TMCO5A: variants seen among roughly 807,000 people sequenced by gnomAD.
The protein encoded by TMCO5A is transmembrane and coiled-coil domains 5A.
Under a neutral mutation model 42.3 loss-of-function variants are expected in TMCO5A, and 34 were observed. The observed-to-expected ratio is 0.80, with a 90% CI of 0.61 to 1.07. The LOEUF (loss-of-function observed/expected upper bound fraction) is 1.07. TMCO5A is among the 50% of genes least tolerant of loss of function. The probability of loss-of-function intolerance (pLI) is 0.00; values close to 1 mark genes in which losing one functional copy is unlikely to be tolerated. For synonymous variants in TMCO5A, 131 were observed against 115.6 expected (o/e 1.13, Z -0.86); for missense variants, 357 against 327.9 (o/e 1.09, Z -0.69).
downstream of TMCO5A, among the ~76,000 whole-genome samples, chr15:37,968,957 G>A (rs960114325): frequency 2.0e-5 from 3 of 152,138 alleles, no homozygotes; most frequent in Non-Finnish European, 2.9e-5. Flanking sequence ...AAAAGGGAAA[G>A]GAAGAAAAAG....
downstream of TMCO5A, chr15:37,951,442 C>G (rs1001780447): frequency 1.8e-6 from 1 of 549,008 alleles, no homozygotes; most frequent in African/African-American, 1.9e-5. Flanking sequence ...CTCTGTGGAT[C>G]GGCTGAATAG....
chr15:38,019,337 A>G, the TMCO5A span, among the ~76,000 whole-genome samples: 1 of 152,202 alleles, frequency 6.6e-6, no homozygotes, highest in East Asian at 1.9e-4. Context: ...AGTAACAAGG[A>G]AAAGGGAAGT....
chr15:37,950,288 C>A (rs890693958), intron 11 of TMCO5A, among the ~76,000 whole-genome samples: 1 of 151,928 alleles, frequency 6.6e-6, no homozygotes. Context: ...TATTTCAGGT[C>A]TTGGGATAGG....
chr15:37,949,625 A>G (rs1890089075), intron 11 of TMCO5A, among the ~76,000 whole-genome samples: 1 of 152,152 alleles, frequency 6.6e-6, no homozygotes, highest in Non-Finnish European at 1.5e-5. Flanking sequence ...CAGCAGGGAA[A>G]AAAATGGTTA....
chr15:38,027,328 T>C, the TMCO5A span, among the ~76,000 whole-genome samples: 1 of 152,132 alleles, frequency 6.6e-6, no homozygotes, highest in African/African-American at 2.4e-5. Context: ...AGGAGATCAT[T>C]TTGGAGTTTT....
downstream of TMCO5A, among the ~76,000 whole-genome samples, chr15:37,954,938 T>TA (rs1890249337): frequency 6.6e-6 from 1 of 151,448 alleles, no homozygotes; most frequent in African/African-American, 2.4e-5. Flanking sequence ...TCAAAAAACA[T>TA]ACAATGAATA....
At chr15:37,964,712 G>T (rs1262300301) in intron 11 of TMCO5A, among the ~76,000 whole-genome samples, 1 of 152,032 alleles carries the variant, frequency 6.6e-6, no homozygotes, top group Non-Finnish European at 1.5e-5. Flanking sequence ...CCAAAGAAGT[G>T]AAAGAACTTT....
rs747932849 is a variant in TMCO5A, at chr15:37,947,702, T to C, written c.668+6T>C. 1 of 1,583,542 alleles carries C rather than the reference T, an allele frequency of 6.3e-7. No individual in the cohort carries two copies. The highest frequency in any genetic ancestry group is 1.4e-5 in the African/African-American group (1 of 74,024). ...GCAAGATTATTCAGTAAAAAGTAAG[T>C]AAAATATCTTCAGGTAAACTTCCTA... is the stretch of plus-strand genomic sequence containing the variant. On this transcript the variant is annotated splice_donor_region_variant and intron_variant, in intron 11 of 11. Transcript: ENST00000319669.
intron 10 of TMCO5A, chr15:37,944,407 A>C (rs116154284): frequency 6.6e-6 from 1 of 152,116 alleles, no homozygotes; most frequent in Non-Finnish European, 1.5e-5. Context: ...AAAAAATTAA[A>C]GTTGTCTACA....
the TMCO5A span, among the ~76,000 whole-genome samples, chr15:37,981,225 A>C: frequency 6.9e-6 from 1 of 145,370 alleles, no homozygotes; most frequent in Non-Finnish European, 1.5e-5. Context: ...AAAAAAAAAA[A>C]CTGGTCCCAG....
At chr15:38,035,745 A>C in the TMCO5A span, among the ~76,000 whole-genome samples, 7 of 152,174 alleles carry the variant, frequency 4.6e-5, no homozygotes, top group Non-Finnish European at 7.3e-5. Flanking sequence ...TAACCCCCTC[A>C]AAGTTTATTT....
At chr15:37,989,305 T>A in the TMCO5A span, among the ~76,000 whole-genome samples, 8 of 152,046 alleles carry the variant, frequency 5.3e-5, no homozygotes, top group African/African-American at 7.2e-5. Flanking sequence ...AACAAAAAAA[T>A]TTCTGCTCTA....
At chr15:38,018,957 A>G in the TMCO5A span, among the ~76,000 whole-genome samples, 1 of 152,212 alleles carries the variant, frequency 6.6e-6, no homozygotes, top group African/African-American at 2.4e-5. Context: ...AAAGTAGTTT[A>G]AACCTTAAAT....
chr15:37,982,416 A>G, the TMCO5A span, among the ~76,000 whole-genome samples: 27 of 94,384 alleles, frequency 2.9e-4, no homozygotes, highest in Admixed American at 2.0e-3. Context: ...TTATAATTCT[A>G]TATCTTATAT....
chr15:38,020,000 A>T, the TMCO5A span, among the ~76,000 whole-genome samples: 3 of 149,406 alleles, frequency 2.0e-5, no homozygotes, highest in African/African-American at 7.4e-5. Flanking sequence ...AATTAAAAAA[A>T]TTTTTTTTTA....
chr15:38,017,448 A>G, the TMCO5A span, among the ~76,000 whole-genome samples: 1 of 152,260 alleles, frequency 6.6e-6, no homozygotes, highest in Middle Eastern at 3.4e-3. Flanking sequence ...CCTAACAAAA[A>G]TGGTAACCTG....
intron 2 of TMCO5A, 198 bp from the exon 3 acceptor site, chr15:37,936,116 C>T: frequency 4.1e-6 from 2 of 489,622 alleles, no homozygotes; most frequent in East Asian, 3.9e-5. Flanking sequence ...TGGGAAAGAC[C>T]CTTGCTGACT....
At chr15:37,971,627 A>G (rs1890675689), downstream of TMCO5A, among the ~76,000 whole-genome samples, 1 of 152,156 alleles carries the variant, frequency 6.6e-6, no homozygotes, top group Non-Finnish European at 1.5e-5. Context: ...CCCTTTTAAA[A>G]CAATGTTTTT....
chr15:37,990,333 T>G, the TMCO5A span, among the ~76,000 whole-genome samples: 1 of 152,108 alleles, frequency 6.6e-6, no homozygotes, highest in Non-Finnish European at 1.5e-5. Context: ...ATCTTTTTCC[T>G]GTATAGAAAC....
Sources: gnomAD v4.1 joint callset for allele counts (sites outside exome capture counted in the v4.1 genomes callset) on GRCh38, gnomAD v4.1.1 for gene constraint, MANE v1.5 for transcripts, NCBI Gene and HGNC (gene_info 2026-07-23, HGNC 2026-07-21) for gene names.